The following MAPK10 variants were observed in gnomAD, a reference collection of about 807,000 sequenced individuals.
MAPK10 encodes JNK3 alpha protein kinase.
In MAPK10, 25 loss-of-function variants were observed where a neutral mutation model predicts 59.3. The ratio of observed to expected loss-of-function variants is 0.42; its 90% CI spans 0.31 to 0.59. MAPK10 has a LOEUF of 0.59. Among genes scored for constraint, MAPK10 ranks in the 20% least tolerant of loss-of-function variants. MAPK10 has a pLI of 0.15. For synonymous variants in MAPK10, 190 were observed against 200.5 expected (o/e 0.95, Z 0.44); for missense variants, 351 against 568.9 (o/e 0.62, Z 3.90).
At chr4:86,244,377 C>G (rs995255206) in intron 2 of MAPK10, among the ~76,000 whole-genome samples, 1 of 152,060 alleles carries the variant, frequency 6.6e-6, no homozygotes, top group Non-Finnish European at 1.5e-5. Flanking sequence ...AAAATTTATG[C>G]AACAGTAAAG....
At chr4:86,232,826 T>C (rs1359537304) in intron 2 of MAPK10, among the ~76,000 whole-genome samples, 1 of 152,150 alleles carries the variant, frequency 6.6e-6, no homozygotes, top group Non-Finnish European at 1.5e-5. Context: ...TCTCTTCCTC[T>C]TCTATTTAAT....
intron 2 of MAPK10, among the ~76,000 whole-genome samples, chr4:86,255,388 C>G (rs2093662769): frequency 6.6e-6 from 1 of 152,152 alleles, no homozygotes; most frequent in African/African-American, 2.4e-5. Flanking sequence ...GACTCTCACT[C>G]TTCTTCATCA....
intron 9 of MAPK10, among the ~76,000 whole-genome samples, chr4:86,078,397 A>G (rs946874908): frequency 3.9e-5 from 6 of 152,176 alleles, no homozygotes; most frequent in African/African-American, 1.2e-4. Flanking sequence ...ATGGGAAATT[A>G]CAGTAAGTGG....
At chr4:86,359,288 C>CTCTG (rs796310826) in intron 1 of MAPK10, among the ~76,000 whole-genome samples, 18 of 94,634 alleles carry the variant, frequency 1.9e-4, no homozygotes, top group African/African-American at 8.0e-4. Flanking sequence ...CTCTCTCTCT[C>CTCTG]TGTGTGTGTG....
rs567947232 is a variant in MAPK10, at chr4:86,494,842, C to CAAAAAA, written c.-263+99062_-263+99067dup. 9.2e-4 allele frequency among the ~76,000 whole-genome samples: 22 copies of CAAAAAA among 23,988 alleles called. 6 individuals carry two copies. The highest frequency in any genetic ancestry group is 3.1e-3 in the African/African-American group (13 of 4,210). The allele number at this position is 23,988 out of a possible 152,430, so 15.7% of individuals were successfully genotyped here. Reference sequence around the variant, plus strand: ...TGGGCGACAGAGAGAGACTCCGTCTCAAAAAAAAAAAAAAAAAAAAAAAAA... The same window carrying CAAAAAA: ...TGGGCGACAGAGAGAGACTCCGTCTCAAAAAAAAAAAAAAAAAAAAAAAAAAAAAAA... On this transcript the variant is annotated intron_variant, in intron 1 of 4. Coordinates refer to the MAPK10 transcript ENST00000502302.
chr4:86,272,350 T>C (rs1252119722), intron 2 of MAPK10, among the ~76,000 whole-genome samples: 3 of 152,166 alleles, frequency 2.0e-5, no homozygotes, highest in South Asian at 2.1e-4. Flanking sequence ...TGATTTACTA[T>C]ATTTTTCTCC....
chr4:86,297,923 C>A (rs2095400027), intron 2 of MAPK10, among the ~76,000 whole-genome samples: 1 of 152,174 alleles, frequency 6.6e-6, no homozygotes, highest in Admixed American at 6.5e-5. Flanking sequence ...GCTTATTTCT[C>A]CAGGTTCATG....
chr4:86,298,327 T>A (rs983801603), intron 2 of MAPK10, among the ~76,000 whole-genome samples: 3 of 152,194 alleles, frequency 2.0e-5, no homozygotes, highest in African/African-American at 7.2e-5. Flanking sequence ...AAGATACTAA[T>A]AAACATTAAA....
chr4:86,488,622 CTGTGGTT>C (rs1423387015), intron 1 of MAPK10, among the ~76,000 whole-genome samples: 1 of 152,172 alleles, frequency 6.6e-6, no homozygotes, highest in African/African-American at 2.4e-5. Context: ...TTGATGCTAA[CTGTGGTT>C]TCTGAATCTG....
intron 1 of MAPK10, among the ~76,000 whole-genome samples, chr4:86,370,432 ATTCTT>A (rs1355477641): frequency 6.6e-6 from 1 of 152,136 alleles, no homozygotes; most frequent in African/African-American, 2.4e-5. Flanking sequence ...GCTGTGTGAC[ATTCTT>A]TTCATTTAAT....
At chr4:86,169,540 G>T (rs2073284318) in intron 3 of MAPK10, among the ~76,000 whole-genome samples, 1 of 152,122 alleles carries the variant, frequency 6.6e-6, no homozygotes, top group Non-Finnish European at 1.5e-5. Flanking sequence ...AATGAACAAA[G>T]CCTCCAAGAA....
chr4:86,168,321 G>A (rs1026700535), intron 3 of MAPK10, among the ~76,000 whole-genome samples: 4 of 152,234 alleles, frequency 2.6e-5, no homozygotes, highest in Non-Finnish European at 4.4e-5. Context: ...AGAAAGGGGT[G>A]ACAGACAGCA....
At chr4:86,554,692 T>C (rs888254704) in intron 1 of MAPK10, among the ~76,000 whole-genome samples, 1 of 152,222 alleles carries the variant, frequency 6.6e-6, no homozygotes, top group African/African-American at 2.4e-5. Flanking sequence ...ATCTCTCCTA[T>C]AATCCATCTT....
At chr4:86,580,477 C>A (rs1024818385) in intron 1 of MAPK10, among the ~76,000 whole-genome samples, 12 of 151,602 alleles carry the variant, frequency 7.9e-5, no homozygotes, top group Non-Finnish European at 1.6e-4. Context: ...CCAGCCTGTG[C>A]GACAGAGCGA....
At chr4:86,374,502 T>A (rs1739463240) in intron 1 of MAPK10, among the ~76,000 whole-genome samples, 1 of 152,184 alleles carries the variant, frequency 6.6e-6, no homozygotes, top group African/African-American at 2.4e-5. Flanking sequence ...ATTATTGTCC[T>A]GTGTGGAGCC....
intron 2 of MAPK10, among the ~76,000 whole-genome samples, chr4:86,206,031 A>AT (rs574074550): frequency 3.3e-5 from 5 of 151,464 alleles, no homozygotes; most frequent in Non-Finnish European, 4.4e-5. Context: ...AGACAACAGG[A>AT]TTTTTTTTTA....
At chr4:86,188,893 G>A (rs866290316) in intron 3 of MAPK10, among the ~76,000 whole-genome samples, 14 of 151,994 alleles carry the variant, frequency 9.2e-5, no homozygotes, top group African/African-American at 2.2e-4. Flanking sequence ...TAGGTCTTAC[G>A]TTTAAGTCTT....
chr4:86,402,990 A>G (rs1460205108), intron 1 of MAPK10, among the ~76,000 whole-genome samples: 1 of 152,164 alleles, frequency 6.6e-6, no homozygotes, highest in African/African-American at 2.4e-5. Flanking sequence ...GCTGACACCT[A>G]TAGTGAGATC....
chr4:86,367,750 A>G (rs1413194452), intron 1 of MAPK10, among the ~76,000 whole-genome samples: 1 of 151,790 alleles, frequency 6.6e-6, no homozygotes, highest in East Asian at 1.9e-4. Context: ...GGGAAGTTAG[A>G]TAAACATTTT....
Sources: gnomAD v4.1 joint callset for allele counts (sites outside exome capture counted in the v4.1 genomes callset) on GRCh38, gnomAD v4.1.1 for gene constraint, MANE v1.5 for transcripts, NCBI Gene and HGNC (gene_info 2026-07-23, HGNC 2026-07-21) for gene names.